Variants in TRPM7 observed in about 807,000 individuals in gnomAD.
TRPM7 encodes the protein transient receptor potential cation channel subfamily M member 7.
TRPM7 carries 134 observed loss-of-function variants against 229.7 expected under a neutral mutation model. The ratio of observed to expected loss-of-function variants is 0.58; its 90% CI spans 0.51 to 0.67. The LOEUF is 0.67. Among genes scored for constraint, TRPM7 ranks in the 30% least tolerant of loss-of-function variants. TRPM7 has a pLI of 0.00. For synonymous variants in TRPM7, 699 were observed against 715.2 expected, an observed-to-expected ratio of 0.98 and a Z score of 0.36; for missense variants, 1,901 against 2,210.0, an observed-to-expected ratio of 0.86 and a Z score of 2.80.
intron 21 of TRPM7, among the ~76,000 whole-genome samples, chr15:50,600,233 T>G (rs2059740893): frequency 1.3e-5 from 2 of 152,134 alleles, no homozygotes; most frequent in African/African-American, 2.4e-5. Flanking sequence ...GGTCAGGAGT[T>G]CGAGACTAGC....
intron 12 of TRPM7, among the ~76,000 whole-genome samples, chr15:50,621,851 G>A (rs1437743634): frequency 6.6e-6 from 1 of 152,062 alleles, no homozygotes; most frequent in Non-Finnish European, 1.5e-5. Context: ...CCAACACGGT[G>A]AAACCTCATC....
At chr15:50,683,240 AAAAAACTGC>A (rs944960396) in intron 1 of TRPM7, among the ~76,000 whole-genome samples, 13 of 152,086 alleles carry the variant, frequency 8.5e-5, no homozygotes, top group African/African-American at 3.1e-4. Flanking sequence ...ACTTAAAAAA[AAAAAACTGC>A]AATTTACTTA....
intron 28 of TRPM7, among the ~76,000 whole-genome samples, chr15:50,584,425 GGTGT>G (rs139165082): frequency 9.9e-5 from 15 of 151,996 alleles, no homozygotes; most frequent in African/African-American, 3.6e-4. Context: ...AGGGTGAACA[GGTGT>G]GTGTGTGTAT....
intron 11 of TRPM7, among the ~76,000 whole-genome samples, chr15:50,627,236 T>C (rs1304877493): frequency 6.6e-6 from 1 of 152,020 alleles, no homozygotes; most frequent in Non-Finnish European, 1.5e-5. Context: ...AAACAATAAA[T>C]AATAGCTACA....
intron 2 of TRPM7, among the ~76,000 whole-genome samples, chr15:50,659,354 C>T (rs2061671682): frequency 6.6e-6 from 1 of 152,146 alleles, no homozygotes. Flanking sequence ...GAATGGATAA[C>T]ATCAGATTTT....
intron 25 of TRPM7, among the ~76,000 whole-genome samples, chr15:50,593,359 G>A (rs2059553970): frequency 6.6e-6 from 1 of 151,858 alleles, no homozygotes; most frequent in African/African-American, 2.4e-5. Context: ...AGTGAGGACA[G>A]TTTTACTTTT....
intron 1 of TRPM7, 44 bp from the exon 2 acceptor site, chr15:50,663,090 T>G: frequency 1.4e-6 from 2 of 1,423,580 alleles, no homozygotes; most frequent in Non-Finnish European, 2.0e-6. Context: ...GTTAACCCAC[T>G]AAATAAGAAG....
rs1404526735 is a variant in TRPM7, at chr15:50,648,759, A to G, written c.249T>C (p.His83=). 2.5e-6 allele frequency: 4 copies of G among 1,613,620 alleles called. No homozygotes were observed. In the East Asian group the frequency reaches 8.9e-5, roughly 36 times the overall value. ...QAIEEWSVEK[H]TEQSPTDAYG... The stretch of plus-strand genomic sequence containing the variant: ...AAGCATCCGTTGGGCTCTGTTCTGT[A>G]TGCTTTTCCACAGACCATTCTTCTA... The change falls in exon 4 of 39, where the codon CAT becomes CAC. Residue 83 remains histidine (H), a synonymous_variant. Transcript: ENST00000646667.
At chr15:50,639,092 AAATT>A (rs1358096607) in intron 6 of TRPM7, among the ~76,000 whole-genome samples, 1 of 152,236 alleles carries the variant, frequency 6.6e-6, no homozygotes, top group Non-Finnish European at 1.5e-5. Context: ...AGTGAGAATA[AAATT>A]AATTCTCATG....
At chr15:50,567,972 G>A (rs566119534) in intron 38 of TRPM7, among the ~76,000 whole-genome samples, 5 of 151,740 alleles carry the variant, frequency 3.3e-5, no homozygotes, top group South Asian at 4.2e-4. Context: ...CCAGCTACTC[G>A]GGAGGCTGAG....
intron 38 of TRPM7, among the ~76,000 whole-genome samples, chr15:50,564,523 A>T (rs555165987): frequency 1.3e-5 from 2 of 151,978 alleles, no homozygotes; most frequent in East Asian, 3.9e-4. Flanking sequence ...TAACCAAGTC[A>T]TGCATTAACA....
intron 9 of TRPM7, among the ~76,000 whole-genome samples, chr15:50,632,118 C>T (rs867452682): frequency 6.6e-6 from 1 of 152,030 alleles, no homozygotes; most frequent in Non-Finnish European, 1.5e-5. Context: ...GCCTGGCCAA[C>T]ACAGTGAAAC....
chr15:50,636,965 T>C (rs2060925895), intron 7 of TRPM7, among the ~76,000 whole-genome samples: 1 of 151,950 alleles, frequency 6.6e-6, no homozygotes, highest in Admixed American at 6.6e-5. Context: ...CTGTCTCTAC[T>C]AAAAATACAA....
At position 50,561,616 on chromosome 15, in the gene TRPM7, A is replaced by G; in HGVS notation, c.*62T>C. The G allele has an allele frequency of 6.3e-7, 1 of 1,583,536 alleles. No individual in the cohort carries two copies. Among genetic ancestry groups the G allele is most frequent in the South Asian group, 1.2e-5 (1 of 86,560 alleles). On this transcript the variant is annotated 3_prime_UTR_variant, in exon 39 of 39. Transcript: ENST00000646667. ...TACCAAACAATTTCCTCCCGAGGGA[A>G]AAGTGACACAGTAACATTTCTGTGA...
intron 4 of TRPM7, among the ~76,000 whole-genome samples, chr15:50,647,316 A>G (rs1203946275): frequency 6.6e-6 from 1 of 151,346 alleles, no homozygotes; most frequent in Admixed American, 6.6e-5. Context: ...TTTTTAGTAG[A>G]GACAGGGTTT....
At chr15:50,650,703 C>CAA (rs11445747) in intron 3 of TRPM7, among the ~76,000 whole-genome samples, 3 of 148,378 alleles carry the variant, frequency 2.0e-5, no homozygotes, top group Non-Finnish European at 4.5e-5. Flanking sequence ...TCAAAAAAAA[C>CAA]AAAAAAAAAC....
intron 1 of TRPM7, among the ~76,000 whole-genome samples, chr15:50,675,253 G>C (rs1013787583): frequency 4.6e-5 from 7 of 151,690 alleles, no homozygotes; most frequent in Non-Finnish European, 8.8e-5. Flanking sequence ...TGAGGCAGGA[G>C]AATCGACTGA....
chr15:50,662,029 C>T (rs1342409640), intron 2 of TRPM7, among the ~76,000 whole-genome samples: 1 of 151,942 alleles, frequency 6.6e-6, no homozygotes, highest in Admixed American at 6.6e-5. Flanking sequence ...ACCAGCCTGG[C>T]CAACATAGTA....
rs370619585 is a variant in TRPM7 at position 50,642,859 on chromosome 15, GT to G, written c.535+480del. On this transcript the variant is annotated intron_variant, in intron 5 of 38. Coordinates refer to ENST00000646667, the MANE Select transcript of TRPM7 (RefSeq NM_017672.6). Reference sequence around the variant, plus strand: ...GCCAAATCCTGCTCTAAAGTGTTGCGTTTTTTTTTTAAAGACAAAATAATAA... The same window carrying G: ...GCCAAATCCTGCTCTAAAGTGTTGCGTTTTTTTTTAAAGACAAAATAATAA... 2.7e-3 allele frequency among the ~76,000 whole-genome samples: 401 copies of G among 147,102 alleles called. 1 individual carries two copies. Among genetic ancestry groups the G allele is most frequent in the Non-Finnish European group, 4.1e-3 (270 of 66,490 alleles).
Sources: gnomAD v4.1 joint callset for allele counts (sites outside exome capture counted in the v4.1 genomes callset) on GRCh38, gnomAD v4.1.1 for gene constraint, MANE v1.5 for transcripts, NCBI Gene and HGNC (gene_info 2026-07-23, HGNC 2026-07-21) for gene names.